NCAM2: variants seen among roughly 807,000 people sequenced by gnomAD.
NCAM2 encodes N-CAM-2.
A neutral mutation model predicts 98.1 loss-of-function variants in NCAM2; 30 were observed. That is an observed-to-expected ratio of 0.31 (90% CI 0.23 to 0.41). NCAM2 has a LOEUF of 0.41. Ranked by LOEUF, NCAM2 falls within the 10% of genes least tolerant of loss-of-function variation. The pLI is 1.00. For missense variants in NCAM2, 867 were observed against 1,005.8 expected (o/e 0.86, Z 1.87); for synonymous variants, 368 against 342.4 (o/e 1.07, Z -0.83).
chr21:21,306,387 A>G (rs564226007), intron 5 of NCAM2, among the ~76,000 whole-genome samples: 2 of 152,234 alleles, frequency 1.3e-5, no homozygotes, highest in South Asian at 4.1e-4. Flanking sequence ...GTTTAGAATC[A>G]TGATGTCCTC....
chr21:21,542,072 A>T lies in NCAM2; in HGVS notation c.*4115A>T, dbSNP rs1327319608. On this transcript the variant is annotated 3_prime_UTR_variant, in exon 18 of 18. Coordinates refer to ENST00000400546, the MANE Select transcript of NCAM2 (RefSeq NM_004540.5). The stretch of plus-strand genomic sequence containing the variant: ...TCGCAGAAATGAAATACTTCATCTT[A>T]GAAGGTAAAATTTTCAAGAAAGTAT... The T allele has an allele frequency of 6.6e-6, 1 of 151,936 alleles. No individual in the cohort carries two copies. Among genetic ancestry groups the T allele is most frequent in the Non-Finnish European group, 1.5e-5 (1 of 67,842 alleles). 9.4% of individuals were successfully genotyped at this position (151,936 alleles called of 1,614,324 possible).
At chr21:21,486,272 C>T (rs2146294281) in intron 15 of NCAM2, among the ~76,000 whole-genome samples, 1 of 131,706 alleles carries the variant, frequency 7.6e-6, no homozygotes, top group South Asian at 2.3e-4. Context: ...CCACTGCACT[C>T]CAGCCTGGGC....
intron 1 of NCAM2, among the ~76,000 whole-genome samples, chr21:21,072,396 C>T (rs1474549653): frequency 2.0e-5 from 3 of 151,944 alleles, no homozygotes; most frequent in African/African-American, 7.3e-5. Context: ...ATCTCAAGGA[C>T]AAATCTAAGA....
chr21:21,415,484 G>C (rs1020851198), intron 10 of NCAM2, among the ~76,000 whole-genome samples: 7 of 151,126 alleles, frequency 4.6e-5, no homozygotes, highest in Non-Finnish European at 1.0e-4. Flanking sequence ...TACAGGCGCC[G>C]GCCACCACGC....
intron 6 of NCAM2, among the ~76,000 whole-genome samples, chr21:21,331,295 C>G (rs1227361872): frequency 6.6e-6 from 1 of 150,930 alleles, no homozygotes. Context: ...CGCCACAATG[C>G]CCAATTAACT....
At chr21:21,157,439 A>T (rs1237595792) in intron 1 of NCAM2, among the ~76,000 whole-genome samples, 1 of 152,138 alleles carries the variant, frequency 6.6e-6, no homozygotes, top group African/African-American at 2.4e-5. Flanking sequence ...ATTTTTACAG[A>T]TTATTTTGGA....
intron 1 of NCAM2, among the ~76,000 whole-genome samples, chr21:21,177,623 T>G (rs2146888013): frequency 6.6e-6 from 1 of 152,258 alleles, no homozygotes; most frequent in East Asian, 1.9e-4. Flanking sequence ...ACATTAATTT[T>G]TAATGAAATC....
intron 16 of NCAM2, among the ~76,000 whole-genome samples, chr21:21,532,774 AAACT>A (rs1373268159): frequency 6.6e-6 from 1 of 152,140 alleles, no homozygotes; most frequent in African/African-American, 2.4e-5. Flanking sequence ...AGAATAATGA[AAACT>A]AACACACAAA....
chr21:21,450,001 A>G (rs17806131), intron 12 of NCAM2, among the ~76,000 whole-genome samples: 4 of 152,092 alleles, frequency 2.6e-5, no homozygotes, highest in Admixed American at 6.6e-5. Flanking sequence ...AAACTAATGT[A>G]CTGTTTTGAT....
At chr21:21,088,827 C>T (rs1231473120) in intron 1 of NCAM2, among the ~76,000 whole-genome samples, 2 of 152,040 alleles carry the variant, frequency 1.3e-5, no homozygotes, top group East Asian at 1.9e-4. Context: ...AAAAAATTAG[C>T]CGGGCGTGGT....
chr21:21,015,157 A>G (rs2064282759), intron 1 of NCAM2, among the ~76,000 whole-genome samples: 1 of 152,258 alleles, frequency 6.6e-6, no homozygotes, highest in Non-Finnish European at 1.5e-5. Flanking sequence ...CCTTATTGAA[A>G]TATAAACATT....
intron 4 of NCAM2, among the ~76,000 whole-genome samples, chr21:21,291,084 T>G (rs2073274652): frequency 6.6e-6 from 1 of 151,844 alleles, no homozygotes; most frequent in South Asian, 2.1e-4. Context: ...TGTTAGAGGC[T>G]GGGTACCTTA....
intron 15 of NCAM2, among the ~76,000 whole-genome samples, chr21:21,483,083 GAAAT>G (rs1183652794): frequency 6.6e-6 from 1 of 151,878 alleles, no homozygotes; most frequent in African/African-American, 2.4e-5. Flanking sequence ...AAAATCCTTG[GAAAT>G]AAATAAACTT....
chr21:21,502,364 A>G (rs2146338270), intron 15 of NCAM2, among the ~76,000 whole-genome samples: 1 of 152,062 alleles, frequency 6.6e-6, no homozygotes, highest in African/African-American at 2.4e-5. Flanking sequence ...TTTGAAGAGT[A>G]TGTTTTAAAA....
chr21:21,048,898 A>G (rs2065050129), intron 1 of NCAM2, among the ~76,000 whole-genome samples: 1 of 152,082 alleles, frequency 6.6e-6, no homozygotes, highest in South Asian at 2.1e-4. Context: ...AATTCTCCTG[A>G]CCTTAGATTT....
intron 1 of NCAM2, among the ~76,000 whole-genome samples, chr21:21,080,924 G>T (rs954990006): frequency 6.6e-6 from 1 of 152,020 alleles, no homozygotes; most frequent in African/African-American, 2.4e-5. Context: ...TTATTAAAAC[G>T]CTTTAGAACA....
intron 11 of NCAM2, among the ~76,000 whole-genome samples, chr21:21,426,010 T>G (rs2077207108): frequency 6.6e-6 from 1 of 151,912 alleles, no homozygotes; most frequent in African/African-American, 2.4e-5. Context: ...AATAACCAAA[T>G]TGTTTTTATA....
chr21:21,434,371 T>G (rs1006420899), intron 12 of NCAM2, among the ~76,000 whole-genome samples: 2 of 152,198 alleles, frequency 1.3e-5, no homozygotes, highest in African/African-American at 4.8e-5. Context: ...AGCTTGCGAA[T>G]GAGAATAAAA....
At chr21:21,401,978 T>C (rs1289352798) in intron 9 of NCAM2, among the ~76,000 whole-genome samples, 3 of 152,158 alleles carry the variant, frequency 2.0e-5, no homozygotes, top group Non-Finnish European at 4.4e-5. Context: ...TACTTTAATC[T>C]CTTAATCCTG....
Sources: gnomAD v4.1 joint callset for allele counts (sites outside exome capture counted in the v4.1 genomes callset) on GRCh38, gnomAD v4.1.1 for gene constraint, MANE v1.5 for transcripts, NCBI Gene and HGNC (gene_info 2026-07-23, HGNC 2026-07-21) for gene names.